TPX2: variants seen among roughly 807,000 people sequenced by gnomAD.
TPX2 encodes the protein TPX2 microtubule nucleation factor.
A neutral mutation model predicts 93.6 loss-of-function variants in TPX2; 21 were observed. The observed-to-expected ratio is 0.22, with a 90% CI of 0.16 to 0.32. The LOEUF is 0.32. Ranked by LOEUF, TPX2 falls within the 10% of genes least tolerant of loss-of-function variation. TPX2 has a pLI of 1.00. For synonymous variants in TPX2, 281 were observed against 298.3 expected, an observed-to-expected ratio of 0.94 and a Z score of 0.60; for missense variants, 776 against 871.1, an observed-to-expected ratio of 0.89 and a Z score of 1.37.
At chr20:31,772,504 C>T (rs989829080) in intron 7 of TPX2, among the ~76,000 whole-genome samples, 3 of 152,136 alleles carry the variant, frequency 2.0e-5, no homozygotes, top group Non-Finnish European at 2.9e-5. Flanking sequence ...ACTGTTGAAG[C>T]AAATTTAAAA....
At chr20:31,800,719 G>A (rs1472729762) in intron 17 of TPX2, among the ~76,000 whole-genome samples, 1 of 152,152 alleles carries the variant, frequency 6.6e-6, no homozygotes, top group African/African-American at 2.4e-5. Context: ...TGAGGGACTT[G>A]AGGAGACTGT....
intron 16 of TPX2, 143 bp from the exon 17 acceptor site, chr20:31,798,222 G>T: frequency 2.0e-6 from 2 of 993,918 alleles, no homozygotes; most frequent in Non-Finnish European, 1.5e-6. Context: ...TATTTAGTTG[G>T]CTCTACCTTT....
At chr20:31,761,261 G>A (rs1238063256) in intron 4 of TPX2, among the ~76,000 whole-genome samples, 3 of 149,774 alleles carry the variant, frequency 2.0e-5, no homozygotes, top group Non-Finnish European at 4.4e-5. Flanking sequence ...GAGTGCAGTG[G>A]TATAGTCTCG....
At chr20:31,798,222 G>A in intron 16 of TPX2, 143 bp from the exon 17 acceptor site, 1 of 993,922 alleles carries the variant, frequency 1.0e-6, no homozygotes, top group Non-Finnish European at 1.5e-6. Context: ...TATTTAGTTG[G>A]CTCTACCTTT....
intron 2 of TPX2, among the ~76,000 whole-genome samples, chr20:31,752,087 AT>A (rs1202985713): frequency 6.6e-6 from 1 of 152,090 alleles, no homozygotes; most frequent in African/African-American, 2.4e-5. Flanking sequence ...GTCATGGAAA[AT>A]TGTAAAAAAC....
At chr20:31,761,620 A>G (rs759792207) in intron 4 of TPX2, among the ~76,000 whole-genome samples, 3 of 152,178 alleles carry the variant, frequency 2.0e-5, no homozygotes, top group Non-Finnish European at 2.9e-5. Context: ...TCCATTGTAT[A>G]TATATATGCC....
chr20:31,784,883 C>T lies in TPX2; in HGVS notation c.1413+962C>T, dbSNP rs531642710. ...TTTCAGTGCAGATGAGGACCTCACC[C>T]GCCGCCACTGGTTTGGATTGCCTGG... On this transcript the variant is annotated intron_variant, in intron 12 of 17. Coordinates refer to ENST00000300403, the MANE Select transcript of TPX2 (RefSeq NM_012112.5). Among the ~76,000 whole-genome samples the T allele has an allele frequency of 2.9e-3, 443 of 152,288 alleles. 1 individual carries two copies. The highest frequency in any genetic ancestry group is 4.9e-3 in the Non-Finnish European group (331 of 68,032).
At chr20:31,752,305 A>T (rs1449665450) in intron 2 of TPX2, among the ~76,000 whole-genome samples, 3 of 151,972 alleles carry the variant, frequency 2.0e-5, no homozygotes, top group Non-Finnish European at 1.5e-5. Flanking sequence ...AGGAAAGAAA[A>T]TTTTTTCCTA....
chr20:31,787,975 C>G (rs2062077272), intron 12 of TPX2, among the ~76,000 whole-genome samples: 2 of 152,120 alleles, frequency 1.3e-5, no homozygotes, highest in African/African-American at 4.8e-5. Flanking sequence ...GTACCTTTTT[C>G]ATCTTTGAAT....
In TPX2 at chr20:31,797,379, A is replaced by T. The variant is rs759148102; in HGVS notation, c.1834-25A>T. On this transcript the variant is annotated intron_variant, in intron 15 of 17. Coordinates refer to ENST00000300403, the MANE Select transcript of TPX2 (RefSeq NM_012112.5). ...GTCATAGAAAGGTGAGACATTGCTC[A>T]TCTGACTGACTTTCTCTCTAATAGC... 21 of 1,611,216 alleles carry T rather than the reference A, an allele frequency of 1.3e-5. No individual in the cohort carries two copies. The East Asian group carries it at 4.7e-4, about 36-fold the overall frequency.
chr20:31,795,927 T>C (rs2062136364), intron 15 of TPX2, among the ~76,000 whole-genome samples: 1 of 152,204 alleles, frequency 6.6e-6, no homozygotes, highest in Admixed American at 6.5e-5. Context: ...TAGGCTATTG[T>C]TTGTTTGTAG....
In TPX2 at chr20:31,797,467, A is replaced by C. The variant is rs781120778; in HGVS notation, c.1897A>C (p.Ile633Leu). 2.5e-6 allele frequency: 4 copies of C among 1,614,172 alleles called. No homozygotes were observed. Among genetic ancestry groups the C allele is most frequent in the Non-Finnish European group, 3.4e-6 (4 of 1,179,994 alleles). Residue 633 changes from isoleucine to leucine, a missense_variant, in exon 16 of 18, where the codon ATC becomes CTC. Ile to Leu is a conservative substitution (Grantham distance 5). Around this residue, in one of 3 missense-constraint regions of TPX2, gnomAD observed 461 missense variants for 551.2 expected, o/e 0.84. Transcript: ENST00000300403. ...ACFKARPNTV[I>L]SQEPFVPKKE... is the part of the protein sequence containing the mutation. ...TTTCAAGGCTCGTCCAAACACCGTC[A>C]TCTCTCAGGAGCCCTTTGTTCCCAA...
At chr20:31,766,994 GT>G (rs1898139825) in intron 5 of TPX2, among the ~76,000 whole-genome samples, 1 of 151,748 alleles carries the variant, frequency 6.6e-6, no homozygotes, top group Admixed American at 6.6e-5. Context: ...TAGAGATAGG[GT>G]TTTGCCATGT....
chr20:31,742,929 A>G (rs1016532952), intron 2 of TPX2, among the ~76,000 whole-genome samples: 1 of 152,134 alleles, frequency 6.6e-6, no homozygotes, highest in Non-Finnish European at 1.5e-5. Context: ...AAATTCTCAT[A>G]TGCGGCCGGT....
intron 10 of TPX2, among the ~76,000 whole-genome samples, chr20:31,781,539 A>G (rs2062033770): frequency 6.6e-6 from 1 of 151,482 alleles, no homozygotes; most frequent in South Asian, 2.1e-4. Context: ...TGCTGGGATT[A>G]CAGGCGTGAG....
chr20:31,795,851 C>T (rs888610289), intron 15 of TPX2, among the ~76,000 whole-genome samples: 1 of 152,142 alleles, frequency 6.6e-6, no homozygotes, highest in Non-Finnish European at 1.5e-5. Context: ...AAAATTTCCC[C>T]TGAATTTCTA....
intron 1 of TPX2, among the ~76,000 whole-genome samples, chr20:31,740,452 T>G (rs1211822121): frequency 6.6e-6 from 1 of 152,212 alleles, no homozygotes; most frequent in Non-Finnish European, 1.5e-5. Flanking sequence ...ACGTCAGACT[T>G]GAGTCCCCCT....
intron 7 of TPX2, among the ~76,000 whole-genome samples, chr20:31,772,971 CTTTTT>C (rs558541526): frequency 7.5e-4 from 72 of 96,488 alleles, no homozygotes; most frequent in African/African-American, 2.8e-3. Flanking sequence ...GTGCCATCGG[CTTTTT>C]TTTTTTTTTT....
chr20:31,779,026 T>C, intron 10 of TPX2, 42 bp downstream of exon 10: 1 of 1,518,182 alleles, frequency 6.6e-7, no homozygotes, highest in Non-Finnish European at 8.8e-7. Flanking sequence ...GAACCTCTCC[T>C]ACATTCCCTC....
Sources: allele counts gnomAD v4.1 joint callset (sites outside exome capture counted in the v4.1 genomes callset), GRCh38; gene constraint gnomAD v4.1.1; regional missense constraint gnomAD v4.1.1; transcripts MANE v1.5; gene names NCBI Gene and HGNC (gene_info 2026-07-23, HGNC 2026-07-21).